The following INSL6 variants were observed in gnomAD, a reference collection of about 807,000 sequenced individuals.
INSL6 encodes the protein insulin-like peptide INSL6.
In INSL6, 16 loss-of-function variants were observed where a neutral mutation model predicts 9.4. The observed-to-expected ratio is 1.70, with a 90% confidence interval of 1.15 to 2.59. The LOEUF (loss-of-function observed/expected upper bound fraction) is 2.59, where lower values mean the gene tolerates loss of function less well. Among genes scored for constraint, INSL6 ranks in the 30% most tolerant of loss-of-function variants. INSL6 has a pLI of 0.00. For missense variants in INSL6, 391 were observed against 257.3 expected (o/e 1.52, Z -3.56); for synonymous variants, 154 against 96.9 (o/e 1.59, Z -3.46).
chr9:5,017,021 A>G, the INSL6 span, among the ~76,000 whole-genome samples: 5 of 152,254 alleles, frequency 3.3e-5, no homozygotes, highest in African/African-American at 1.2e-4. Context: ...AAACCTTTCC[A>G]AAAATATTGC....
At chr9:5,056,705 TA>T in the INSL6 span, among the ~76,000 whole-genome samples, 1 of 152,154 alleles carries the variant, frequency 6.6e-6, no homozygotes, top group Non-Finnish European at 1.5e-5. Context: ...TATGGATGCA[TA>T]AAAGGATGAT....
chr9:5,112,686 T>A, the INSL6 span: 1 of 922,494 alleles, frequency 1.1e-6, no homozygotes, highest in Non-Finnish European at 1.5e-6. Context: ...TCGGTCATCC[T>A]GAATTTGGAG....
chr9:5,080,439 A>C, the INSL6 span: 1 of 1,545,794 alleles, frequency 6.5e-7, no homozygotes, highest in Non-Finnish European at 8.8e-7. Context: ...TATTTCTTTC[A>C]CATGATTTGT....
chr9:5,185,334 C>G lies in INSL6; in HGVS notation c.269G>C (p.Arg90Pro). 1.2e-6 allele frequency: 2 copies of G among 1,614,104 alleles called. No homozygotes were observed. Residue 90 changes from arginine (R) to proline (P), a missense_variant, in exon 1 of 2, where the codon CGG (arginine) becomes CCG (proline). Physicochemically the swap from Arg to Pro is moderately radical, Grantham distance 103 (BLOSUM62 -2). Transcript: ENST00000381641. ...FESPQTASPA[R>P]GRGTNPVSTS... Reference sequence around the variant, plus strand: ...TTTACCTGGGTTTGTGCCTCTTCCCCGGGCCGGGGAAGCGGTTTGCGGGCT... The same window carrying G: ...TTTACCTGGGTTTGTGCCTCTTCCCGGGGCCGGGGAAGCGGTTTGCGGGCT...
the INSL6 span, chr9:5,041,358 G>A: frequency 1.6e-6 from 1 of 628,222 alleles, no homozygotes. Context: ...TGCTACATGA[G>A]CATCAACATG....
At position 5,164,090 on chromosome 9, in the gene INSL6, A is replaced by G; in HGVS notation, c.465T>C (p.Ile155=). 1 of 1,613,252 alleles carries G rather than the reference A, an allele frequency of 6.2e-7. No individual in the cohort carries two copies. The highest frequency in any genetic ancestry group is 8.5e-7 in the Non-Finnish European group (1 of 1,179,762). ...CCCAAAACAAATTGCTTAAGGTTTTAATTTTGTTTCTACGTTTCTTCTGAA... is the reference window on the plus strand; with the variant it reads ...CCCAAAACAAATTGCTTAAGGTTTTGATTTTGTTTCTACGTTTCTTCTGAA... ...AKFQKKRRNK[I]KTLSNLFWGH... is the part of the protein sequence containing the mutation. The change falls in exon 2 of 2, where the codon ATT becomes ATC. Residue 155 remains isoleucine (I), a synonymous_variant. Coordinates refer to ENST00000381641, the MANE Select transcript of INSL6 (RefSeq NM_007179.3).
At chr9:5,063,571 G>T in the INSL6 span, among the ~76,000 whole-genome samples, 184 of 152,074 alleles carry the variant, frequency 1.2e-3, 1 homozygote, top group African/African-American at 4.3e-3. Flanking sequence ...GTATTTGTTG[G>T]TATCTTTAAT....
Position 5,137,224 on chromosome 9 carries a change from A to G in INSL6, c.377-3632T>C, listed in dbSNP as rs746989879. On this transcript the variant is annotated intron_variant, in intron 2 of 3. Coordinates refer to the INSL6 transcript ENST00000649639. ...AATTTATAGATTCAATGCTACCACC[A>G]TCAAGCTACCTTTGACTTTCTTCAC... Among the ~76,000 whole-genome samples the G allele has an allele frequency of 3.7e-4, 56 of 152,216 alleles. 1 individual carries two copies. The highest frequency in any genetic ancestry group is 4.9e-4 in the Non-Finnish European group (33 of 68,036).
intron 2 of INSL6, among the ~76,000 whole-genome samples, chr9:5,139,199 A>T (rs12001952): frequency 0.11 from 16,521 of 152,150 alleles, 2,787 homozygotes; most frequent in African/African-American, 0.37. Context: ...TTTTAAAAGA[A>T]TTGGAGGCAT....
At chr9:5,021,014 C>A in the INSL6 span, among the ~76,000 whole-genome samples, 2 of 152,166 alleles carry the variant, frequency 1.3e-5, no homozygotes, top group South Asian at 2.1e-4. Context: ...CCCTATGTTA[C>A]TCCCAGGGCC....
the INSL6 span, among the ~76,000 whole-genome samples, chr9:5,082,245 T>G: frequency 6.6e-6 from 1 of 152,158 alleles, no homozygotes; most frequent in South Asian, 2.1e-4. Context: ...GCAAGAGGAA[T>G]GCGGCAGGAG....
chr9:5,131,435 ATTTTT>A (rs550915336), intron 3 of INSL6, among the ~76,000 whole-genome samples: 1 of 115,852 alleles, frequency 8.6e-6, no homozygotes, highest in African/African-American at 4.0e-5. Context: ...CCAGTTAACA[ATTTTT>A]TTTTTTTTTT....
chr9:5,116,681 A>G, the INSL6 span, among the ~76,000 whole-genome samples: 1 of 152,216 alleles, frequency 6.6e-6, no homozygotes, highest in Non-Finnish European at 1.5e-5. Flanking sequence ...AATACTATAC[A>G]GGGAGGTAGG....
chr9:5,066,742 T>C, the INSL6 span: 6 of 1,606,280 alleles, frequency 3.7e-6, no homozygotes, highest in Non-Finnish European at 5.1e-6. Context: ...TGTACTTCGA[T>C]GCAGTCCTAA....
At chr9:5,136,779 G>A (rs928328198) in intron 2 of INSL6, among the ~76,000 whole-genome samples, 4 of 152,118 alleles carry the variant, frequency 2.6e-5, no homozygotes, top group Admixed American at 1.3e-4. Context: ...AGGGCAATCA[G>A]GCAAGAGAAA....
intron 1 of INSL6, among the ~76,000 whole-genome samples, chr9:5,166,357 G>A (rs923742750): frequency 2.0e-5 from 3 of 151,866 alleles, no homozygotes; most frequent in Non-Finnish European, 4.4e-5. Context: ...TATATTCTTT[G>A]CAGTTAGAGG....
chr9:5,085,924 A>G, the INSL6 span: 1 of 1,069,376 alleles, frequency 9.4e-7, no homozygotes, highest in Non-Finnish European at 1.5e-6. Flanking sequence ...AGACCTTTCA[A>G]GTCTCTCCAA....
chr9:5,081,446 T>C, the INSL6 span, among the ~76,000 whole-genome samples: 4 of 152,206 alleles, frequency 2.6e-5, no homozygotes, highest in African/African-American at 4.8e-5. Flanking sequence ...TACTCACCTT[T>C]CTCACAATAA....
At chr9:5,014,924 AT>A in the INSL6 span, among the ~76,000 whole-genome samples, 9 of 128,916 alleles carry the variant, frequency 7.0e-5, no homozygotes, top group East Asian at 4.7e-4. Flanking sequence ...TTGATTTTTT[AT>A]TTTTTTTTTG....
Sources: gnomAD v4.1 joint callset for allele counts (sites outside exome capture counted in the v4.1 genomes callset) on GRCh38, gnomAD v4.1.1 for gene constraint, MANE v1.5 for transcripts, NCBI Gene and HGNC (gene_info 2026-07-23, HGNC 2026-07-21) for gene names.